IGF2BP2: variants seen among roughly 807,000 people sequenced by gnomAD.
IGF2BP2 encodes the protein insulin-like growth factor 2 mRNA-binding protein 2.
In IGF2BP2, 17 loss-of-function variants were observed where a neutral mutation model predicts 75.8. The ratio of observed to expected loss-of-function variants is 0.22; its 90% CI spans 0.15 to 0.34. The LOEUF is 0.34. IGF2BP2 is among the 10% of genes least tolerant of loss of function. The pLI is 1.00. For missense variants in IGF2BP2, 516 were observed against 772.4 expected (o/e 0.67, Z 3.93); for synonymous variants, 288 against 295.6 (o/e 0.97, Z 0.26).
intron 12 of IGF2BP2, among the ~76,000 whole-genome samples, chr3:185,655,771 G>A (rs1715342899): frequency 6.6e-6 from 1 of 152,180 alleles, no homozygotes; most frequent in Admixed American, 6.5e-5. Flanking sequence ...AGGTTGATAT[G>A]GTGGAAAAAC....
chr3:185,766,620 A>G (rs1052815448), intron 2 of IGF2BP2, among the ~76,000 whole-genome samples: 4 of 152,250 alleles, frequency 2.6e-5, no homozygotes, highest in Middle Eastern at 3.2e-3. Context: ...CTAACAAGCC[A>G]AAAATATTTA....
chr3:185,670,344 T>C (rs1718324451), intron 10 of IGF2BP2, among the ~76,000 whole-genome samples: 2 of 152,202 alleles, frequency 1.3e-5, no homozygotes, highest in African/African-American at 4.8e-5. Context: ...AAACTTTTTC[T>C]GCAAAGGAGC....
intron 2 of IGF2BP2, among the ~76,000 whole-genome samples, chr3:185,730,568 G>A (rs1461212237): frequency 6.6e-6 from 1 of 151,576 alleles, no homozygotes; most frequent in Non-Finnish European, 1.5e-5. Context: ...CTGAGTAGCT[G>A]GGATTACAAG....
chr3:185,681,004 C>T (rs748199588), intron 7 of IGF2BP2, among the ~76,000 whole-genome samples: 28 of 152,174 alleles, frequency 1.8e-4, no homozygotes, highest in Non-Finnish European at 3.8e-4. Flanking sequence ...AGACTGAATG[C>T]AAGGCTTTTC....
chr3:185,689,964 T>G (rs1480873407), intron 5 of IGF2BP2, among the ~76,000 whole-genome samples: 8 of 42,444 alleles, frequency 1.9e-4, no homozygotes, highest in African/African-American at 8.3e-4. Context: ...CGAGACTCCG[T>G]CTCAAAAAAA....
intron 2 of IGF2BP2, among the ~76,000 whole-genome samples, chr3:185,788,274 C>A (rs1163139537): frequency 2.6e-5 from 4 of 152,164 alleles, no homozygotes; most frequent in Non-Finnish European, 5.9e-5. Flanking sequence ...AATCCCAACA[C>A]TTTGGGAGGC....
intron 9 of IGF2BP2, among the ~76,000 whole-genome samples, chr3:185,674,524 G>C (rs1719009449): frequency 1.3e-5 from 2 of 152,180 alleles, no homozygotes; most frequent in South Asian, 4.1e-4. Context: ...GCAATCACAG[G>C]AAGGACAAAC....
chr3:185,665,039 C>T (rs1696840290), intron 10 of IGF2BP2, among the ~76,000 whole-genome samples: 1 of 151,714 alleles, frequency 6.6e-6, no homozygotes, highest in African/African-American at 2.4e-5. Flanking sequence ...TTGGTGTGCA[C>T]CTGTAGTCCC....
At chr3:185,696,734 A>G (rs983203544) in intron 3 of IGF2BP2, 71 bp from the exon 4 acceptor site, 9 of 1,186,622 alleles carry the variant, frequency 7.6e-6, no homozygotes, top group Non-Finnish European at 1.1e-5. Context: ...ACAGTGATAT[A>G]CCCCAGCAAA....
chr3:185,652,882 G>T (rs542881401), intron 12 of IGF2BP2, among the ~76,000 whole-genome samples: 1 of 152,194 alleles, frequency 6.6e-6, no homozygotes, highest in Non-Finnish European at 1.5e-5. Context: ...CGCGATCTCA[G>T]CTCACTACAA....
Position 185,672,815 on chromosome 3 carries a change from G to T in IGF2BP2, c.1072-146C>A, listed in dbSNP as rs529580632. 1.4e-4 allele frequency: 114 copies of T among 820,394 alleles called. No individual in the cohort carries two copies. The African/African-American group carries it at 1.9e-3, about 14-fold the overall frequency. The allele number at this position is 820,394 out of a possible 1,614,324, so 50.8% of individuals were successfully genotyped here. On this transcript the variant is annotated intron_variant, in intron 9 of 15. Transcript: ENST00000382199. ...TCTTCCTACCCTGTATCAGAGGTGG[G>T]TGCCACATCTTAACCTGACCATGGT... is the stretch of plus-strand genomic sequence containing the variant.
chr3:185,713,423 G>A (rs759422063), intron 2 of IGF2BP2: 2 of 519,938 alleles, frequency 3.8e-6, no homozygotes, highest in African/African-American at 3.9e-5. Context: ...GGGCGGCTTG[G>A]TTTAATGGCA....
chr3:185,657,071 A>C (rs1715556017), intron 12 of IGF2BP2, among the ~76,000 whole-genome samples: 1 of 152,184 alleles, frequency 6.6e-6, no homozygotes, highest in African/African-American at 2.4e-5. Context: ...GTTGTCTGCT[A>C]CTATTTTTTT....
At chr3:185,789,947 C>T (rs1241717134) in intron 2 of IGF2BP2, among the ~76,000 whole-genome samples, 1 of 151,934 alleles carries the variant, frequency 6.6e-6, no homozygotes, top group Non-Finnish European at 1.5e-5. Context: ...TTGGCCAGGC[C>T]AGTCTTGAAC....
intron 2 of IGF2BP2, among the ~76,000 whole-genome samples, chr3:185,785,004 T>C (rs1735674031): frequency 6.6e-6 from 1 of 152,128 alleles, no homozygotes; most frequent in African/African-American, 2.4e-5. Context: ...TTCTTTTCAA[T>C]TAACAGCTGA....
In IGF2BP2 at chr3:185,643,779, C is replaced by CTTTTTTTTTTTTTTT. The variant is rs933340628; in HGVS notation, c.*1737_*1751dup. 7 of 111,964 alleles carry CTTTTTTTTTTTTTTT rather than the reference C, an allele frequency of 6.3e-5. No individual in the cohort carries two copies. The highest frequency in any genetic ancestry group is 2.0e-4 in the Admixed American group (2 of 10,150). The allele number at this position is 111,964 out of a possible 1,614,324, so 6.9% of individuals were successfully genotyped here. A position where few individuals can be genotyped will look rare whatever the true frequency, so the allele number is the denominator to read the frequency against. ...ATATTTCTGTTTTTTCTTTTTTTTT[C>CTTTTTTTTTTTTTTT]TTTTTTTTTTTTTTTTTTTTGTCAC... On this transcript the variant is annotated 3_prime_UTR_variant, in exon 16 of 16. Transcript: ENST00000382199.
intron 2 of IGF2BP2, among the ~76,000 whole-genome samples, chr3:185,788,563 A>G (rs928153849): frequency 5.1e-4 from 77 of 152,136 alleles, no homozygotes; most frequent in African/African-American, 1.8e-3. Flanking sequence ...TGATATGTTT[A>G]TTTCACTAGT....
chr3:185,764,152 T>C (rs977209131), intron 2 of IGF2BP2, among the ~76,000 whole-genome samples: 1 of 150,940 alleles, frequency 6.6e-6, no homozygotes, highest in Non-Finnish European at 1.5e-5. Flanking sequence ...TATATGTCTA[T>C]TATATAAGTA....
rs1457838056 is a variant in IGF2BP2 at position 185,811,859 on chromosome 3, TCTCTCTCTCTCTCTCTCTCC to T, written c.239+11274_239+11293del. Among the ~76,000 whole-genome samples, 19 of 134,124 alleles carry T rather than the reference TCTCTCTCTCTCTCTCTCTCC, an allele frequency of 1.4e-4. 2 individuals carry two copies. Among genetic ancestry groups the T allele is most frequent in the South Asian group, 9.9e-4 (4 of 4,058 alleles). The allele number at this position is 134,124 out of a possible 152,430, so 88.0% of individuals were successfully genotyped here. On this transcript the variant is annotated intron_variant, in intron 2 of 15. Transcript: ENST00000382199. ...CTCTCTCTCTCTCTCTCTCTCTCTC[TCTCTCTCTCTCTCTCTCTCC>T]CCCTCTCCCTGCCTGGGCATCAGAA...
Sources: allele counts gnomAD v4.1 joint callset (sites outside exome capture counted in the v4.1 genomes callset), GRCh38; gene constraint gnomAD v4.1.1; transcripts MANE v1.5; gene names NCBI Gene and HGNC (gene_info 2026-07-23, HGNC 2026-07-21).